The following SFMBT2 variants were observed in gnomAD, a reference collection of about 807,000 sequenced individuals.
SFMBT2 encodes the protein scm-like with four MBT domains protein 2.
A neutral mutation model predicts 110.1 loss-of-function variants in SFMBT2; 38 were observed. That is an observed-to-expected ratio of 0.35 (90% CI 0.27 to 0.45). The LOEUF (loss-of-function observed/expected upper bound fraction) is 0.45. Ranked by LOEUF, SFMBT2 falls within the 20% of genes least tolerant of loss-of-function variation. The probability of loss-of-function intolerance (pLI) is 1.00; values close to 1 mark genes in which losing one functional copy is unlikely to be tolerated. For missense variants in SFMBT2, 1,011 were observed against 1,094.9 expected (o/e 0.92, Z 1.08); for synonymous variants, 425 against 425.4 (o/e 1.00, Z 0.01).
At chr10:7,309,482 C>T (rs928671176) in intron 4 of SFMBT2, among the ~76,000 whole-genome samples, 53 of 152,136 alleles carry the variant, frequency 3.5e-4, no homozygotes, top group African/African-American at 1.2e-3. Context: ...CAGAGGAGGA[C>T]GAGGCCTGAC....
At chr10:7,328,469 T>A (rs1033596308) in intron 4 of SFMBT2, among the ~76,000 whole-genome samples, 9 of 152,254 alleles carry the variant, frequency 5.9e-5, no homozygotes, top group Admixed American at 2.0e-4. Flanking sequence ...AAATTTTTCA[T>A]TTTGATGAAG....
At chr10:7,352,779 G>A (rs1844366260) in intron 4 of SFMBT2, among the ~76,000 whole-genome samples, 1 of 152,054 alleles carries the variant, frequency 6.6e-6, no homozygotes, top group Admixed American at 6.5e-5. Context: ...TGGGAGGCCG[G>A]GGCAGGCAGA....
chr10:7,222,963 TTCTTA>T (rs1369293697), intron 10 of SFMBT2, among the ~76,000 whole-genome samples: 1 of 152,176 alleles, frequency 6.6e-6, no homozygotes, highest in Non-Finnish European at 1.5e-5. Context: ...GCCCCCTCTT[TTCTTA>T]TAAGGACGCC....
intron 1 of SFMBT2, among the ~76,000 whole-genome samples, chr10:7,387,748 T>C (rs1474280916): frequency 2.8e-5 from 4 of 143,388 alleles, no homozygotes; most frequent in African/African-American, 1.1e-4. Flanking sequence ...CTGGCCAACA[T>C]GGCGAAACCC....
intron 4 of SFMBT2, among the ~76,000 whole-genome samples, chr10:7,319,907 TAA>T (rs1843128027): frequency 1.7e-5 from 1 of 59,914 alleles, no homozygotes; most frequent in Non-Finnish European, 3.7e-5. Context: ...AGAGAGAGAC[TAA>T]GAGAGAGAGA....
intron 4 of SFMBT2, among the ~76,000 whole-genome samples, chr10:7,305,756 G>T: frequency 6.6e-6 from 1 of 152,222 alleles, no homozygotes; most frequent in East Asian, 1.9e-4. Flanking sequence ...GAGGCAAGGC[G>T]ACAAAAGTAG....
At chr10:7,228,516 G>T (rs1377926584) in intron 9 of SFMBT2, 1 of 212,580 alleles carries the variant, frequency 4.7e-6, no homozygotes, top group African/African-American at 2.3e-5. Context: ...CGTTGCCCTG[G>T]AACTGACCTG....
chr10:7,306,735 AG>A (rs369982440), intron 4 of SFMBT2, among the ~76,000 whole-genome samples: 5 of 113,888 alleles, frequency 4.4e-5, no homozygotes, highest in African/African-American at 8.8e-5. Context: ...AGCCAAGAAA[AG>A]GGGGGAAAAA....
chr10:7,330,101 G>A (rs1477641479), intron 4 of SFMBT2, among the ~76,000 whole-genome samples: 4 of 152,050 alleles, frequency 2.6e-5, no homozygotes, highest in African/African-American at 7.3e-5. Context: ...TAAAAATCTC[G>A]GCTGCCCAAA....
chr10:7,205,702 T>A, intron 12 of SFMBT2, 113 bp downstream of exon 12: 2 of 1,429,126 alleles, frequency 1.4e-6, no homozygotes, highest in Non-Finnish European at 9.2e-7. Context: ...TGGTGGAAAA[T>A]CAAAAATCTT....
At position 7,170,883 on chromosome 10, in the gene SFMBT2, A is replaced by G; in HGVS notation, c.2544+45T>C. On this transcript the variant is annotated intron_variant, in intron 20 of 20. Coordinates refer to ENST00000397167, the MANE Select transcript of SFMBT2 (RefSeq NM_001387889.1). The surrounding 1 kb of genome is among the most constrained non-coding windows in gnomAD (Gnocchi z 4.6). The stretch of plus-strand genomic sequence containing the variant: ...AGGACACGAGGTTCATTTCAGATGC[A>G]GAGTCTCAGCACATCAAACAATCGA... The G allele has an allele frequency of 1.2e-6, 2 of 1,612,222 alleles. No homozygotes were observed. Among genetic ancestry groups the G allele is most frequent in the Non-Finnish European group, 1.7e-6 (2 of 1,178,636 alleles).
rs1041727633 is a variant in SFMBT2 at position 7,367,209 on chromosome 10, C to T, written c.436+440G>A. Among the ~76,000 whole-genome samples, 1 of 152,074 alleles carries T rather than the reference C, an allele frequency of 6.6e-6. No individual in the cohort carries two copies. Among genetic ancestry groups the T allele is most frequent in the Non-Finnish European group, 1.5e-5 (1 of 68,018 alleles). On this transcript the variant is annotated intron_variant, in intron 4 of 20. Transcript: ENST00000397167. The surrounding 1 kb of genome is among the most constrained non-coding windows in gnomAD (Gnocchi z 6.2). ...CTGCTTAAGACACTCTGTTACTGTT[C>T]AAATGTCGACTTGCTAAAGCAGAAG... is the stretch of plus-strand genomic sequence containing the variant.
chr10:7,308,204 T>A (rs1842750025), intron 4 of SFMBT2, among the ~76,000 whole-genome samples: 1 of 151,976 alleles, frequency 6.6e-6, no homozygotes, highest in African/African-American at 2.4e-5. Flanking sequence ...AAACATTTTT[T>A]TTAAATTAGC....
chr10:7,295,314 A>C (rs1470980415), intron 4 of SFMBT2: 1 of 152,200 alleles, frequency 6.6e-6, no homozygotes, highest in Admixed American at 6.5e-5. Context: ...TGTCCACTCC[A>C]GGAGACTGGG....
At chr10:7,272,605 C>T (rs1841626999) in intron 7 of SFMBT2, among the ~76,000 whole-genome samples, 1 of 152,170 alleles carries the variant, frequency 6.6e-6, no homozygotes, top group Non-Finnish European at 1.5e-5. Flanking sequence ...ACACTGCAGG[C>T]CAGCACCCAG....
At chr10:7,341,198 C>T (rs1287399197) in intron 4 of SFMBT2, among the ~76,000 whole-genome samples, 1 of 152,162 alleles carries the variant, frequency 6.6e-6, no homozygotes, top group Non-Finnish European at 1.5e-5. Flanking sequence ...CATCCAAGCT[C>T]GTATCAGGGG....
At chr10:7,234,777 CCAAAAAAA>C (rs1840208371) in intron 9 of SFMBT2, among the ~76,000 whole-genome samples, 1 of 139,330 alleles carries the variant, frequency 7.2e-6, no homozygotes, top group Admixed American at 7.1e-5. Context: ...TCTCCAGACA[CCAAAAAAA>C]AAGTAAAAAA....
At chr10:7,290,734 G>A (rs964804215) in intron 4 of SFMBT2, among the ~76,000 whole-genome samples, 6 of 152,044 alleles carry the variant, frequency 3.9e-5, no homozygotes, top group African/African-American at 1.4e-4. Flanking sequence ...CTGCTTGGGA[G>A]GCTGAGGCAG....
At position 7,172,330 on chromosome 10, in the gene SFMBT2, CACT is replaced by C. The variant is rs2131531103; in HGVS notation, c.2151+162_2151+164del. The C allele has an allele frequency of 1.0e-6, 1 of 985,414 alleles. No homozygotes were observed. The highest frequency in any genetic ancestry group is 1.2e-6 in the Non-Finnish European group (1 of 829,868). 61.0% of individuals were successfully genotyped at this position (985,414 alleles called of 1,614,324 possible). On this transcript the variant is annotated intron_variant, in intron 18 of 20. Coordinates refer to ENST00000397167, the MANE Select transcript of SFMBT2 (RefSeq NM_001387889.1). The surrounding 1 kb of genome is among the most constrained non-coding windows in gnomAD (Gnocchi z 4.6). ...CCTTCCCAGCCAAAGCAGCTGGACA[CACT>C]ACATTTGTTTTCAGCAAGTAAGGAG...
Sources: gnomAD v4.1 joint callset for allele counts (sites outside exome capture counted in the v4.1 genomes callset) on GRCh38, gnomAD v4.1.1 for gene constraint, Gnocchi (gnomAD v3.1) non-coding constraint, MANE v1.5 for transcripts, NCBI Gene and HGNC (gene_info 2026-07-23, HGNC 2026-07-21) for gene names.